The following GLI3 variants were observed in gnomAD, a reference collection of about 807,000 sequenced individuals.
GLI3 encodes the protein transcription activator GLI3.
Under a neutral mutation model 100.8 loss-of-function variants are expected in GLI3, and 20 were observed. That is an observed-to-expected ratio of 0.20 (90% CI 0.14 to 0.29). The LOEUF is 0.29. Ranked by LOEUF, GLI3 falls within the 10% of genes least tolerant of loss-of-function variation. The pLI, the probability that GLI3 is intolerant of heterozygous loss-of-function variation, is 1.00. For synonymous variants in GLI3, 938 were observed against 860.5 expected (o/e 1.09, Z -1.58); for missense variants, 2,040 against 2,128.5 (o/e 0.96, Z 0.82).
intron 10 of GLI3, among the ~76,000 whole-genome samples, chr7:41,988,481 G>GC (rs1787892315): frequency 8.1e-6 from 1 of 122,760 alleles, no homozygotes; most frequent in Non-Finnish European, 1.7e-5. Flanking sequence ...AAAAGGGGGG[G>GC]GGGGTGGGGC....
intron 2 of GLI3, among the ~76,000 whole-genome samples, chr7:42,167,543 T>C (rs1161374166): frequency 6.6e-6 from 1 of 152,240 alleles, no homozygotes; most frequent in Non-Finnish European, 1.5e-5. Context: ...AATAGGTATA[T>C]ATACACTTGA....
At chr7:42,005,330 A>G (rs1788424234) in intron 10 of GLI3, among the ~76,000 whole-genome samples, 1 of 152,042 alleles carries the variant, frequency 6.6e-6, no homozygotes, top group East Asian at 1.9e-4. Context: ...AGGGCTCTCT[A>G]CCGTATGTGA....
At chr7:42,005,141 A>G (rs1433183453) in intron 10 of GLI3, among the ~76,000 whole-genome samples, 1 of 152,162 alleles carries the variant, frequency 6.6e-6, no homozygotes, top group Non-Finnish European at 1.5e-5. Context: ...CATGAAGACA[A>G]AAATATTTTA....
intron 2 of GLI3, chr7:42,152,539 G>T: frequency 2.5e-6 from 1 of 403,264 alleles, no homozygotes; most frequent in Non-Finnish European, 3.4e-6. Context: ...AATTTAACAA[G>T]CTCATTAGTA....
At chr7:42,211,204 T>C (rs1366201330) in intron 2 of GLI3, among the ~76,000 whole-genome samples, 1 of 152,050 alleles carries the variant, frequency 6.6e-6, no homozygotes, top group African/African-American at 2.4e-5. Flanking sequence ...TCTTTTTAAT[T>C]GCGGAAAAGA....
At position 42,177,114 on chromosome 7, in the gene GLI3, C is replaced by T. The variant is rs534227187; in HGVS notation, c.125-28646G>A. Among the ~76,000 whole-genome samples the T allele has an allele frequency of 1.2e-3, 190 of 152,276 alleles. 1 individual carries two copies. Among genetic ancestry groups the T allele is most frequent in the Admixed American group, 2.5e-3 (38 of 15,294 alleles). On this transcript the variant is annotated intron_variant, in intron 2 of 14. Coordinates refer to ENST00000395925, the MANE Select transcript of GLI3 (RefSeq NM_000168.6). ...CGCTCCAGTGATAGGGACACTCCGT[C>T]CTTCCCTTGAGAGCTTACATGTCCT...
chr7:42,016,708 A>T (rs891055173), intron 10 of GLI3, among the ~76,000 whole-genome samples: 22 of 151,956 alleles, frequency 1.4e-4, no homozygotes, highest in Admixed American at 1.4e-3. Flanking sequence ...CACCACCATC[A>T]TCATCATCAT....
chr7:41,964,450 A>G lies in GLI3; in HGVS notation c.4623T>C (p.Pro1541=), dbSNP rs778838449. ...GCGCTGGGAATGGGAGGGACGCCCG[A>G]GGCGTGGTGAGGCGGGAGGAGCTAT... is the stretch of plus-strand genomic sequence containing the variant. The part of the protein sequence containing the change: ...LSHSSSRLTT[P]RASLPFPALS... Residue 1541 remains proline, a synonymous_variant, in exon 15 of 15, where the codon CCT becomes CCC. Transcript: ENST00000395925. The G allele has an allele frequency of 1.2e-6, 2 of 1,614,148 alleles. No homozygotes were observed. Among genetic ancestry groups the G allele is most frequent in the Non-Finnish European group, 1.7e-6 (2 of 1,180,000 alleles).
chr7:42,108,909 C>T (rs1303993534), intron 3 of GLI3, among the ~76,000 whole-genome samples: 1 of 152,080 alleles, frequency 6.6e-6, no homozygotes, highest in African/African-American at 2.4e-5. Flanking sequence ...CACCAGCAGT[C>T]ATCCAGCCTA....
chr7:42,034,847 C>T (rs1030832003), intron 7 of GLI3, among the ~76,000 whole-genome samples: 16 of 152,058 alleles, frequency 1.1e-4, no homozygotes, highest in Admixed American at 5.2e-4. Flanking sequence ...CTCATTCATT[C>T]GTTTATTAAT....
At chr7:42,238,045 T>G (rs1583670385), upstream of GLI3, among the ~76,000 whole-genome samples, 1 of 129,728 alleles carries the variant, frequency 7.7e-6, no homozygotes, top group Non-Finnish European at 1.6e-5. Flanking sequence ...CTCCTCCTCC[T>G]CCGCCCCTCC....
intron 10 of GLI3, among the ~76,000 whole-genome samples, chr7:41,995,642 A>G (rs1416308702): frequency 6.6e-6 from 1 of 152,204 alleles, no homozygotes; most frequent in African/African-American, 2.4e-5. Flanking sequence ...TGAGAGAGTC[A>G]AAGGCCTCGA....
intron 12 of GLI3, among the ~76,000 whole-genome samples, chr7:41,973,897 G>T (rs1278002240): frequency 2.0e-5 from 3 of 152,146 alleles, no homozygotes; most frequent in Non-Finnish European, 4.4e-5. Flanking sequence ...ATCTATTCAG[G>T]AGCTTGTGTG....
At chr7:42,133,106 A>G (rs1358401552) in intron 3 of GLI3, among the ~76,000 whole-genome samples, 2 of 152,210 alleles carry the variant, frequency 1.3e-5, no homozygotes, top group East Asian at 3.8e-4. Flanking sequence ...TTTAGAAATT[A>G]ACTTTGAAGA....
intron 2 of GLI3, among the ~76,000 whole-genome samples, chr7:42,210,348 C>A (rs1047185541): frequency 2.9e-5 from 4 of 136,590 alleles, no homozygotes; most frequent in East Asian, 4.4e-4. Context: ...GCCCCCCCCC[C>A]CCCCCCAAGT....
intron 1 of GLI3, among the ~76,000 whole-genome samples, chr7:42,248,716 A>G (rs1048386533): frequency 1.3e-5 from 2 of 152,188 alleles, no homozygotes; most frequent in African/African-American, 4.8e-5. Context: ...TAATATTTCT[A>G]TTATAATAAA....
intron 1 of GLI3, among the ~76,000 whole-genome samples, chr7:42,263,834 C>G (rs1789172269): frequency 6.6e-6 from 1 of 151,838 alleles, no homozygotes; most frequent in South Asian, 2.1e-4. Context: ...TTTTTTGTCC[C>G]ATATATCAGG....
chr7:42,016,204 G>A (rs1788755557), intron 10 of GLI3, among the ~76,000 whole-genome samples: 1 of 152,142 alleles, frequency 6.6e-6, no homozygotes, highest in Non-Finnish European at 1.5e-5. Flanking sequence ...ATTTCCAGAA[G>A]GATGTCAGGA....
intron 2 of GLI3, among the ~76,000 whole-genome samples, chr7:42,177,733 A>T (rs1787508896): frequency 6.6e-6 from 1 of 152,192 alleles, no homozygotes; most frequent in South Asian, 2.1e-4. Context: ...AGAGATAAGC[A>T]AGGGGAAGGT....
Sources: gnomAD v4.1 joint callset for allele counts (sites outside exome capture counted in the v4.1 genomes callset) on GRCh38, gnomAD v4.1.1 for gene constraint, MANE v1.5 for transcripts, NCBI Gene and HGNC (gene_info 2026-07-23, HGNC 2026-07-21) for gene names.